PUS10: variants seen among roughly 807,000 people sequenced by gnomAD.
PUS10 encodes the protein pseudouridine synthase 10, also known as tRNA pseudouridine synthase Pus10.
Under a neutral mutation model 75.0 loss-of-function variants are expected in PUS10, and 59 were observed. The observed-to-expected ratio is 0.79, with a 90% confidence interval of 0.64 to 0.98. The LOEUF is 0.98. Ranked by LOEUF, PUS10 falls within the 50% of genes least tolerant of loss-of-function variation. The pLI is 0.00. For missense variants in PUS10, 650 were observed against 614.4 expected, an observed-to-expected ratio of 1.06 and a Z score of -0.61; for synonymous variants, 219 against 211.6, an observed-to-expected ratio of 1.03 and a Z score of -0.30.
At chr2:60,966,436 C>CTT (rs910384572) in intron 6 of PUS10, 2 of 151,438 alleles carry the variant, frequency 1.3e-5, no homozygotes, top group African/African-American at 4.9e-5. Flanking sequence ...TAATGAATAG[C>CTT]TTTTTTTTTC....
At chr2:61,013,951 A>AAACAAC (rs34082267) in intron 1 of PUS10, among the ~76,000 whole-genome samples, 70 of 151,242 alleles carry the variant, frequency 4.6e-4, no homozygotes, top group African/African-American at 1.2e-3. Flanking sequence ...AAATACAAAC[A>AAACAAC]AACAACAACA....
chr2:60,985,288 A>T (rs1012772585), intron 4 of PUS10, among the ~76,000 whole-genome samples: 1 of 152,272 alleles, frequency 6.6e-6, no homozygotes, highest in South Asian at 2.1e-4. Context: ...TTTAAATATT[A>T]TCTAATAGGT....
intron 4 of PUS10, among the ~76,000 whole-genome samples, chr2:60,975,666 CAA>C (rs1160640734): frequency 4.2e-4 from 33 of 79,434 alleles, no homozygotes; most frequent in Admixed American, 1.0e-3. Context: ...AGGGAGCATT[CAA>C]AAAAAAAAAA....
At chr2:61,010,561 G>C in intron 2 of PUS10, 2 of 365,946 alleles carry the variant, frequency 5.5e-6, no homozygotes, top group East Asian at 4.9e-5. Flanking sequence ...CCCTGACCTC[G>C]TGATCCACCC....
intron 17 of PUS10, among the ~76,000 whole-genome samples, chr2:60,943,761 C>CG (rs1674762362): frequency 1.6e-5 from 2 of 127,200 alleles, no homozygotes; most frequent in African/African-American, 6.0e-5. Flanking sequence ...TGATCACAAT[C>CG]TTGTGTGTGT....
chr2:60,947,828 C>CAA (rs890632119), intron 16 of PUS10, among the ~76,000 whole-genome samples: 242 of 45,130 alleles, frequency 5.4e-3, no homozygotes, highest in East Asian at 0.015. Flanking sequence ...GACTCTGCCT[C>CAA]AAAAAAAAAA....
At chr2:60,963,666 A>AG (rs1676168068) in intron 8 of PUS10, among the ~76,000 whole-genome samples, 1 of 152,246 alleles carries the variant, frequency 6.6e-6, no homozygotes, top group African/African-American at 2.4e-5. Context: ...ACCATATTCT[A>AG]GGGAACACTA....
chr2:60,959,535 C>A (rs542378155), intron 11 of PUS10, among the ~76,000 whole-genome samples: 5 of 152,088 alleles, frequency 3.3e-5, no homozygotes, highest in African/African-American at 1.2e-4. Flanking sequence ...ACTATTGGTG[C>A]GCACCACCAT....
At chr2:60,944,591 G>A (rs886794940) in intron 17 of PUS10, among the ~76,000 whole-genome samples, 1 of 152,170 alleles carries the variant, frequency 6.6e-6, no homozygotes, top group South Asian at 2.1e-4. Flanking sequence ...TAAGAGCAGA[G>A]AACTTGGACC....
intron 4 of PUS10, among the ~76,000 whole-genome samples, chr2:60,998,216 C>T (rs1413200218): frequency 1.3e-5 from 2 of 152,088 alleles, no homozygotes; most frequent in Admixed American, 1.3e-4. Flanking sequence ...GACTAATGGC[C>T]TGAGAGTTTA....
chr2:60,958,589 A>G (rs760637418), intron 11 of PUS10, among the ~76,000 whole-genome samples: 7 of 152,170 alleles, frequency 4.6e-5, no homozygotes, highest in Non-Finnish European at 1.0e-4. Flanking sequence ...GGTCTGTCAC[A>G]AAAAGGTTTT....
rs755766700 is a variant in PUS10, at chr2:60,965,042, G to A, written c.723+16C>T. ...CAAAACTCACTCAAGACTAAGAAGC[G>A]GGAACCTTTCCTTACCTGTTTGTTT... On this transcript the variant is annotated intron_variant, in intron 8 of 17. Coordinates refer to ENST00000316752, the MANE Select transcript of PUS10 (RefSeq NM_144709.4). 22 of 1,611,892 alleles carry A rather than the reference G, an allele frequency of 1.4e-5. No individual in the cohort carries two copies. Among genetic ancestry groups the A allele is most frequent in the African/African-American group, 5.3e-5 (4 of 74,834 alleles).
chr2:61,001,519 C>T (rs1353445165), intron 4 of PUS10, among the ~76,000 whole-genome samples: 1 of 152,174 alleles, frequency 6.6e-6, no homozygotes, highest in Non-Finnish European at 1.5e-5. Flanking sequence ...TCAGATGATC[C>T]ACCCACCTCA....
chr2:60,989,009 C>G (rs1245314473), intron 4 of PUS10, among the ~76,000 whole-genome samples: 1 of 152,070 alleles, frequency 6.6e-6, no homozygotes, highest in African/African-American at 2.4e-5. Context: ...ATAAAATCCA[C>G]TAGGATGGGG....
intron 4 of PUS10, among the ~76,000 whole-genome samples, chr2:60,989,513 T>A (rs1387431077): frequency 6.6e-6 from 1 of 152,190 alleles, no homozygotes; most frequent in Non-Finnish European, 1.5e-5. Flanking sequence ...GATAGGAGAC[T>A]GCATCTCTAT....
At chr2:60,973,050 C>T (rs960346407) in intron 4 of PUS10, among the ~76,000 whole-genome samples, 1 of 152,204 alleles carries the variant, frequency 6.6e-6, no homozygotes, top group Non-Finnish European at 1.5e-5. Context: ...CTGTGCTCCA[C>T]ATCCCCGAGG....
chr2:60,984,395 A>G (rs1677593576), intron 4 of PUS10, among the ~76,000 whole-genome samples: 1 of 152,244 alleles, frequency 6.6e-6, no homozygotes, highest in South Asian at 2.1e-4. Flanking sequence ...AAACTTTTGC[A>G]TATAGGTTAG....
At chr2:60,974,352 A>C (rs1676894481) in intron 4 of PUS10, among the ~76,000 whole-genome samples, 1 of 150,886 alleles carries the variant, frequency 6.6e-6, no homozygotes, top group Admixed American at 6.6e-5. Flanking sequence ...AGTAGCTGGG[A>C]CTACAGGCGC....
chr2:60,993,410 T>A (rs1678241575), intron 4 of PUS10, among the ~76,000 whole-genome samples: 1 of 151,432 alleles, frequency 6.6e-6, no homozygotes, highest in Admixed American at 6.6e-5. Flanking sequence ...TGAGCTGAGA[T>A]CATGCCACTG....
Sources: allele counts gnomAD v4.1 joint callset (sites outside exome capture counted in the v4.1 genomes callset), GRCh38; gene constraint gnomAD v4.1.1; transcripts MANE v1.5; gene names NCBI Gene and HGNC (gene_info 2026-07-23, HGNC 2026-07-21).